LRP1: variants seen among roughly 807,000 people sequenced by gnomAD.
LRP1 encodes LDL receptor related protein 1.
Under a neutral mutation model 541.5 loss-of-function variants are expected in LRP1, and 51 were observed. That is an observed-to-expected ratio of 0.09 (90% confidence interval 0.08 to 0.12). The LOEUF is 0.12. Among genes scored for constraint, LRP1 ranks in the 10% least tolerant of loss-of-function variants. The pLI, the probability that LRP1 is intolerant of heterozygous loss-of-function variation, is 1.00. For synonymous variants in LRP1, 2,219 were observed against 2,470.8 expected (o/e 0.90, Z 3.02); for missense variants, 3,878 against 6,376.2 (o/e 0.61, Z 13.34).
chr12:57,163,080 T>C (rs1222436338), intron 15 of LRP1, 97 bp downstream of exon 15: 2 of 1,460,518 alleles, frequency 1.4e-6, no homozygotes, highest in Non-Finnish European at 1.8e-6. Flanking sequence ...AGTCAGAGAT[T>C]AAGGAGGCAA....
rs1246365971 is a variant in LRP1, at chr12:57,143,805, G to T, written c.448+7G>T. Reference sequence around the variant, plus strand: ...GATGGCAAGACCTGCAAAGGTATGTGAGTGCATGTGCCTGTGTGCATGTGT... The same window carrying T: ...GATGGCAAGACCTGCAAAGGTATGTTAGTGCATGTGCCTGTGTGCATGTGT... On this transcript the variant is annotated splice_region_variant and intron_variant, in intron 4 of 88. Coordinates refer to ENST00000243077, the MANE Select transcript of LRP1 (RefSeq NM_002332.3). The T allele has an allele frequency of 6.2e-7, 1 of 1,612,476 alleles. No homozygotes were observed. The highest frequency in any genetic ancestry group is 2.2e-5 in the East Asian group (1 of 44,848).
In LRP1 at chr12:57,201,936, C is replaced by T. The variant is rs1012572001; in HGVS notation, c.10594+31C>T. On this transcript the variant is annotated intron_variant, in intron 67 of 88. Transcript: ENST00000243077. This position sits in a 1 kb window ranked among gnomAD's most constrained non-coding sequence, Gnocchi z 6.4. ...CCGAGACCCCACTCCAGGAGGAAGA[C>T]AGTCTACCTGGGTGGGAGGCATGGC... 6.2e-7 allele frequency: 1 copy of T among 1,613,044 alleles called. No homozygotes were observed. The highest frequency in any genetic ancestry group is 8.5e-7 in the Non-Finnish European group (1 of 1,179,520).
At chr12:57,149,681 C>T in intron 6 of LRP1, 2 of 733,428 alleles carry the variant, frequency 2.7e-6, no homozygotes, top group African/African-American at 1.7e-5. Context: ...GAATCACAGG[C>T]AGGAGCAGGA....
intron 46 of LRP1, 104 bp downstream of exon 46, chr12:57,193,408 C>A: frequency 6.5e-7 from 1 of 1,528,432 alleles, no homozygotes; most frequent in Non-Finnish European, 8.9e-7. Flanking sequence ...AGCTTCCTGA[C>A]CATGAGTTTT....
At chr12:57,174,113 G>A in intron 22 of LRP1, 133 bp downstream of exon 22, 2 of 868,058 alleles carry the variant, frequency 2.3e-6, no homozygotes, top group South Asian at 1.6e-5. Flanking sequence ...ACCCAGAGTG[G>A]TCACCAGCAG....
In LRP1 at chr12:57,184,967, G is replaced by A; in HGVS notation, c.6315G>A (p.Glu2105=). ...NMDMFSVSVF[E]DFIYWSDRTH... Reference sequence around the variant, plus strand: ...ACATGTTTTCAGTGTCTGTGTTTGAGGATTTCATCTACTGGAGTGACAGGT... The same window carrying A: ...ACATGTTTTCAGTGTCTGTGTTTGAAGATTTCATCTACTGGAGTGACAGGT... Residue 2105 remains glutamate, a synonymous_variant, in exon 39 of 89, where the codon GAG becomes GAA. Coordinates refer to ENST00000243077, the MANE Select transcript of LRP1 (RefSeq NM_002332.3). This position sits in a 1 kb window ranked among gnomAD's most constrained non-coding sequence, Gnocchi z 7.8. 2 of 1,614,152 alleles carry A rather than the reference G, an allele frequency of 1.2e-6. No homozygotes were observed. Among genetic ancestry groups the A allele is most frequent in the Non-Finnish European group, 1.7e-6 (2 of 1,179,992 alleles).
chr12:57,206,684 T>A lies in LRP1; in HGVS notation c.11802T>A (p.Pro3934=). 1.5e-5 allele frequency: 24 copies of A among 1,613,522 alleles called. No individual in the cohort carries two copies. The highest frequency in any genetic ancestry group is 1.9e-5 in the Non-Finnish European group (23 of 1,180,008). ...ACCGCAGCCTGCCACCTGCTGCGCC[T>A]CCTACCACTTCCAACCGCCACCGGC... ...ISYRSLPPAA[P]PTTSNRHRRQ... The change falls in exon 76 of 89, where the codon CCT becomes CCA. Residue 3934 remains proline (P), a synonymous_variant. Transcript: ENST00000243077. The surrounding 1 kb of genome is among the most constrained non-coding windows in gnomAD (Gnocchi z 4.7).
chr12:57,129,234 G>GC, intron 1 of LRP1: 1 of 587,576 alleles, frequency 1.7e-6, no homozygotes, highest in Non-Finnish European at 3.1e-6. Flanking sequence ...TGCTTCCGGG[G>GC]CCCCCCAGCA....
In LRP1 at chr12:57,178,819, G is replaced by C; in HGVS notation, c.4607-71G>C. On this transcript the variant is annotated intron_variant, in intron 27 of 88. Transcript: ENST00000243077. This position sits in a 1 kb window ranked among gnomAD's most constrained non-coding sequence, Gnocchi z 5.8. ...CAGGGGGAGGAGAGTGGGCGAGGAA[G>C]GGGTGGTCCATGTAGGGAGCAGCAA... The C allele has an allele frequency of 6.4e-7, 1 of 1,554,378 alleles. No homozygotes were observed. The highest frequency in any genetic ancestry group is 1.2e-5 in the South Asian group (1 of 82,126).
chr12:57,169,254 A>G lies in LRP1; in HGVS notation c.3110A>G (p.Asp1037Gly). The G allele has an allele frequency of 6.2e-7, 1 of 1,613,816 alleles. No individual in the cohort carries two copies. The part of the protein sequence containing the change: ...CIPEHWTCDG[D>G]NDCGDYSDET... ...CCCGAGCACTGGACCTGCGATGGGG[A>G]CAATGACTGCGGAGACTACAGTGAT... The change falls in exon 20 of 89, where the codon GAC (aspartate) becomes GGC (glycine). Residue 1037 changes from aspartate to glycine, a missense_variant. Physicochemically the swap from Asp to Gly is moderately conservative, Grantham distance 94. This residue lies in a region of LRP1 where 320 missense variants were observed against 547.9 expected (regional missense o/e 0.58). Transcript: ENST00000243077.
At chr12:57,200,371 G>T in intron 62 of LRP1, 71 bp from the exon 63 acceptor site, 1 of 942,166 alleles carries the variant, frequency 1.1e-6, no homozygotes, top group Middle Eastern at 2.5e-4. Flanking sequence ...AAACATCCAA[G>T]CCCCTCAAAA....
Position 57,190,912 on chromosome 12 carries a change from A to G in LRP1, c.7139A>G (p.Asn2380Ser), listed in dbSNP as rs1385394360. 6.2e-7 allele frequency: 1 copy of G among 1,613,526 alleles called. No homozygotes were observed. Among genetic ancestry groups the G allele is most frequent in the Non-Finnish European group, 8.5e-7 (1 of 1,179,938 alleles). Residue 2380 changes from asparagine (N) to serine (S), a missense_variant, in exon 43 of 89, where the codon AAT becomes AGT. Around this residue, in one of 13 missense-constraint regions of LRP1, gnomAD observed 1,100 missense variants for 1,827.4 expected, o/e 0.60. Transcript: ENST00000243077. ...ATCGAGAAGGACATCCGTACCCCCA[A>G]TGGCCTGGCCATCGACCACCGTGCC... ...TLIEKDIRTP[N>S]GLAIDHRAEK...
intron 42 of LRP1, among the ~76,000 whole-genome samples, chr12:57,190,149 TCAAAGTACG>T (rs1718778874): frequency 2.0e-5 from 3 of 152,110 alleles, no homozygotes; most frequent in South Asian, 4.1e-4. Flanking sequence ...TGCAAAGGCC[TCAAAGTACG>T]GAGAAGGGGA....
In LRP1 at chr12:57,197,194, T is replaced by C; in HGVS notation, c.9076+29T>C. ...AGATGCGCGCTTGGAGGGCATGAGG[T>C]GACCCAGGCTGTGTGGGACTGCCCG... On this transcript the variant is annotated intron_variant, in intron 56 of 88. Transcript: ENST00000243077. This position sits in a 1 kb window ranked among gnomAD's most constrained non-coding sequence, Gnocchi z 4.5. The C allele has an allele frequency of 6.2e-7, 1 of 1,613,804 alleles. No individual in the cohort carries two copies. The highest frequency in any genetic ancestry group is 8.5e-7 in the Non-Finnish European group (1 of 1,179,944).
intron 51 of LRP1, 52 bp from the exon 52 acceptor site, chr12:57,195,219 G>T: frequency 6.2e-7 from 1 of 1,605,026 alleles, no homozygotes; most frequent in South Asian, 1.1e-5. Context: ...TCCACTGCTA[G>T]ACCTGATCTA....
rs368578321 is a variant in LRP1 at position 57,210,157 on chromosome 12, C to A, written c.12568C>A (p.Pro4190Thr). ...ATGCGTGCCTGTGCCCTCTCCAACG[C>A]CCCCCCCAGATGGTATGCTTATGCC... ...GTCVPVPSPT[P>T]PPDAPRPGTC... is the part of the protein sequence containing the mutation. The change falls in exon 81 of 89, where the codon CCC (proline) becomes ACC (threonine). Residue 4190 changes from proline (P) to threonine (T), a missense_variant. Physicochemically the swap from Pro to Thr is conservative, Grantham distance 38. Coordinates refer to ENST00000243077, the MANE Select transcript of LRP1 (RefSeq NM_002332.3). 6.3e-7 allele frequency: 1 copy of A among 1,595,548 alleles called. No individual in the cohort carries two copies. The highest frequency in any genetic ancestry group is 8.5e-7 in the Non-Finnish European group (1 of 1,170,872).
At chr12:57,193,061 C>G (rs1489713786) in intron 45 of LRP1, 91 bp downstream of exon 45, 29 of 1,586,396 alleles carry the variant, frequency 1.8e-5, no homozygotes, top group Admixed American at 6.8e-5. Context: ...GCCCAGCCCC[C>G]CAAAGCCTTT....
chr12:57,177,529 G>T lies in LRP1; in HGVS notation c.4299G>T (p.Gly1433=), dbSNP rs776851645. ...RRTVHRETGS[G]GWPNGLTVDY... is the part of the protein sequence containing the mutation. ...CCGTGCACCGGGAGACCGGCTCTGG[G>T]GGCTGGCCCAACGGGCTCACCGTGG... Residue 1433 remains glycine, a synonymous_variant, in exon 26 of 89, where the codon GGG becomes GGT. Transcript: ENST00000243077. The surrounding 1 kb of genome is among the most constrained non-coding windows in gnomAD (Gnocchi z 6.8). 2 of 1,614,004 alleles carry T rather than the reference G, an allele frequency of 1.2e-6. No homozygotes were observed. The highest frequency in any genetic ancestry group is 2.2e-5 in the South Asian group (2 of 91,086).
Position 57,156,206 on chromosome 12 carries a change from G to T in LRP1, c.1340G>T (p.Ser447Ile). ...GTGATCCGTGTGAACCGCTTTAACA[G>T]CACCGAGTACCAGGTTGTCACCCGG... ...TSVIRVNRFN[S>I]TEYQVVTRVD... Residue 447 changes from serine to isoleucine, a missense_variant, in exon 9 of 89, where the codon AGC (serine) becomes ATC (isoleucine). Physicochemically the swap from Ser to Ile is moderately radical, Grantham distance 142. Transcript: ENST00000243077. This position sits in a 1 kb window ranked among gnomAD's most constrained non-coding sequence, Gnocchi z 5.2. The T allele has an allele frequency of 6.2e-7, 1 of 1,614,142 alleles. No homozygotes were observed. The highest frequency in any genetic ancestry group is 2.2e-5 in the East Asian group (1 of 44,850).
Sources: allele counts gnomAD v4.1 joint callset (sites outside exome capture counted in the v4.1 genomes callset), GRCh38; gene constraint gnomAD v4.1.1; regional missense constraint gnomAD v4.1.1; non-coding constraint Gnocchi (gnomAD v3.1); transcripts MANE v1.5; gene names NCBI Gene and HGNC (gene_info 2026-07-23, HGNC 2026-07-21).